GLUL: variants seen among roughly 807,000 people sequenced by gnomAD.
GLUL encodes glutamate-ammonia ligase.
In GLUL, 8 loss-of-function variants were observed where a neutral mutation model predicts 36.9. That is an observed-to-expected ratio of 0.22 (90% CI 0.13 to 0.39). GLUL has a LOEUF of 0.39. Among genes scored for constraint, GLUL ranks in the 10% least tolerant of loss-of-function variants. The pLI, the probability that GLUL is intolerant of heterozygous loss-of-function variation, is 1.00. For synonymous variants in GLUL, 182 were observed against 172.8 expected (o/e 1.05, Z -0.42); for missense variants, 315 against 501.8 (o/e 0.63, Z 3.56).
intron 1 of GLUL, chr1:182,391,007 T>A (rs946683210): frequency 3.9e-4 from 147 of 379,122 alleles, no homozygotes; most frequent in African/African-American, 3.0e-3. Context: ...GGTTGGGGGG[T>A]CCGGGGGAGG....
In GLUL at chr1:182,382,501, T is replaced by C. The variant is rs1271854259; in HGVS notation, c.*1904A>G. ...GTAGCTAATATTTGTTTCTTATCAC[T>C]GAGAGCAGAGAATAGAAATCGTAAA... On this transcript the variant is annotated 3_prime_UTR_variant, in exon 7 of 7. Transcript: ENST00000331872. 9.3e-6 allele frequency: 1 copy of C among 107,590 alleles called. No individual in the cohort carries two copies. The highest frequency in any genetic ancestry group is 2.0e-5 in the Non-Finnish European group (1 of 51,080). 6.7% of individuals were successfully genotyped at this position (107,590 alleles called of 1,614,324 possible).
rs1650069950 is a variant in GLUL, at chr1:182,384,314, T to TTGAGTTACA, written c.*82_*90dup. The TTGAGTTACA allele has an allele frequency of 1.1e-6, 1 of 897,222 alleles. No individual in the cohort carries two copies. The highest frequency in any genetic ancestry group is 2.0e-5 in the Admixed American group (1 of 51,090). The allele number at this position is 897,222 out of a possible 1,614,324, so 55.6% of individuals were successfully genotyped here. Reference sequence around the variant, plus strand: ...AAAAACGACCTTGATATTCCACCCTTTGAGTTACAATCGGGACAACTGGGA... The same window carrying TTGAGTTACA: ...AAAAACGACCTTGATATTCCACCCTTTGAGTTACATGAGTTACAATCGGGACAACTGGGA... On this transcript the variant is annotated 3_prime_UTR_variant, in exon 7 of 7. Coordinates refer to ENST00000331872, the MANE Select transcript of GLUL (RefSeq NM_001033044.4).
chr1:182,387,102 G>A (rs1287084797), intron 3 of GLUL, 29 bp downstream of exon 3: 3 of 1,565,630 alleles, frequency 1.9e-6, no homozygotes, highest in African/African-American at 1.4e-5. Context: ...AGATTGAGGA[G>A]GGGTATCCAT....
At chr1:182,390,021 A>G (rs1259617159) in intron 1 of GLUL, 1 of 152,408 alleles carries the variant, frequency 6.6e-6, no homozygotes, top group African/African-American at 2.4e-5. Flanking sequence ...ACAAAGTTCG[A>G]GACCAGCCTG....
In GLUL at chr1:182,384,194, GA is replaced by G. The variant is rs936681442; in HGVS notation, c.*210del. The G allele has an allele frequency of 2.3e-5, 13 of 566,918 alleles. No individual in the cohort carries two copies. The highest frequency in any genetic ancestry group is 3.8e-5 in the African/African-American group (2 of 53,004). The allele number at this position is 566,918 out of a possible 1,614,324, so 35.1% of individuals were successfully genotyped here. ...TGCACTAAAAAGCTTCAGTGATAGG[GA>G]AAAAAAGGAGGGTAGGTGTGAAGAA... On this transcript the variant is annotated 3_prime_UTR_variant, in exon 7 of 7. Transcript: ENST00000331872.
intron 1 of GLUL, chr1:182,390,904 C>A: frequency 2.5e-6 from 1 of 398,740 alleles, no homozygotes; most frequent in South Asian, 1.3e-4. Context: ...CAGCCCCTTC[C>A]CACTGAAATG....
At position 182,385,891 on chromosome 1, in the gene GLUL, C is replaced by G. The variant is rs1484096884; in HGVS notation, c.476-4G>C. 1.9e-6 allele frequency: 3 copies of G among 1,613,596 alleles called. No individual in the cohort carries two copies. Among genetic ancestry groups the G allele is most frequent in the Admixed American group, 3.3e-5 (2 of 60,024 alleles). On this transcript the variant is annotated splice_polypyrimidine_tract_variant and splice_region_variant and intron_variant, in intron 4 of 6. Transcript: ENST00000331872. ...CCCACACCACAGTAATATGGACCTA[C>G]AGAAGCATCAGGACAAAACACTAAG...
In GLUL at chr1:182,384,548, G is replaced by A. The variant is rs780489108; in HGVS notation, c.979C>T (p.Arg327Trp). ...CCCTTCTTCTCCTGGCCAACAGTCC[G>A]GGGAATGCGTATGCTGGCGCTACGA... Reference protein sequence around the residue: ...ANRSASIRIPRTVGQEKKGYF... With the variant: ...ANRSASIRIPWTVGQEKKGYF... The change falls in exon 7 of 7, where the codon CGG becomes TGG. Residue 327 changes from arginine to tryptophan, a missense_variant. Transcript: ENST00000331872. 16 of 1,614,044 alleles carry A rather than the reference G, an allele frequency of 9.9e-6. No homozygotes were observed. The highest frequency in any genetic ancestry group is 3.3e-5 in the South Asian group (3 of 91,088).
At chr1:182,391,191 C>G (rs2101939635) in intron 1 of GLUL, 2 of 398,552 alleles carry the variant, frequency 5.0e-6, no homozygotes, top group South Asian at 1.3e-4. Context: ...ACGCCGCAAT[C>G]GAGGCGTCTC....
At chr1:182,388,948 T>C in intron 1 of GLUL, 198 bp from the exon 2 acceptor site, 1 of 568,416 alleles carries the variant, frequency 1.8e-6, no homozygotes, top group Non-Finnish European at 3.2e-6. Flanking sequence ...AAATCTCCTT[T>C]ATAATAGGCT....
At chr1:182,391,567 G>A (rs1317488844) in intron 1 of GLUL, 112 bp downstream of exon 1, 3 of 227,304 alleles carry the variant, frequency 1.3e-5, no homozygotes, top group Non-Finnish European at 2.6e-5. Context: ...CGCAGCGTAG[G>A]GCTGGGACTG....
At position 182,385,523 on chromosome 1, in the gene GLUL, T is replaced by C. The variant is rs771930134; in HGVS notation, c.637A>G (p.Ser213Gly). The C allele has an allele frequency of 3.7e-6, 6 of 1,614,134 alleles. No homozygotes were observed. The Admixed American group carries it at 5.0e-5, about 13-fold the overall frequency. The change falls in exon 6 of 7, where the codon AGC (serine) becomes GGC (glycine). Residue 213 changes from serine to glycine, a missense_variant. By Grantham distance (56) the Ser-to-Gly change is moderately conservative. Coordinates refer to ENST00000331872, the MANE Select transcript of GLUL (RefSeq NM_001033044.4). ...EFQIGPCEGI[S>G]MGDHLWVARF... ...GCCACCCAGAGATGATCTCCCATGCTGATTCCTTCACAAGGTCCAATCTGA... is the reference window on the plus strand; with the variant it reads ...GCCACCCAGAGATGATCTCCCATGCCGATTCCTTCACAAGGTCCAATCTGA...
chr1:182,383,175 C>T lies in GLUL; in HGVS notation c.*1230G>A, dbSNP rs1268055070. On this transcript the variant is annotated 3_prime_UTR_variant, in exon 7 of 7. Coordinates refer to ENST00000331872, the MANE Select transcript of GLUL (RefSeq NM_001033044.4). ...TACAAAATTACAAGTGTTTTGACTC[C>T]AGCCCTGTCCCCATCTCCTCCAAGA... is the stretch of plus-strand genomic sequence containing the variant. 2.0e-5 allele frequency: 3 copies of T among 152,266 alleles called. No individual in the cohort carries two copies. Among genetic ancestry groups the T allele is most frequent in the South Asian group, 2.1e-4 (1 of 4,824 alleles). The allele number at this position is 152,266 out of a possible 1,614,324, so 9.4% of individuals were successfully genotyped here. A position where few individuals can be genotyped will look rare whatever the true frequency, so the allele number is the denominator to read the frequency against.
chr1:182,385,327 T>C (rs767281429), intron 6 of GLUL, 30 bp downstream of exon 6: 5 of 1,546,344 alleles, frequency 3.2e-6, no homozygotes, highest in Non-Finnish European at 3.6e-6. Flanking sequence ...CCACAGGAGA[T>C]TAAAGATGGC....
In GLUL at chr1:182,385,011, ATT is replaced by A. The variant is rs565963910; in HGVS notation, c.804-290_804-289del. On this transcript the variant is annotated intron_variant, in intron 6 of 6. Transcript: ENST00000331872. ...TTCTAAAAGATTTTCAAATGCATGA[ATT>A]TGTCAACTTTTCCCTGTCACCATGA... is the stretch of plus-strand genomic sequence containing the variant. 30 of 401,196 alleles carry A rather than the reference ATT, an allele frequency of 7.5e-5. No individual in the cohort carries two copies. In the East Asian group the frequency reaches 9.3e-4, roughly 13 times the overall value. 24.9% of individuals were successfully genotyped at this position (401,196 alleles called of 1,614,324 possible).
At position 182,384,205 on chromosome 1, in the gene GLUL, G is replaced by A; in HGVS notation, c.*200C>T. 1.7e-6 allele frequency: 1 copy of A among 595,180 alleles called. No individual in the cohort carries two copies. The highest frequency in any genetic ancestry group is 3.0e-6 in the Non-Finnish European group (1 of 332,868). 36.9% of individuals were successfully genotyped at this position (595,180 alleles called of 1,614,324 possible). ...GCTTCAGTGATAGGGAAAAAAAGGA[G>A]GGTAGGTGTGAAGAAATTAATAACT... is the stretch of plus-strand genomic sequence containing the variant. On this transcript the variant is annotated 3_prime_UTR_variant, in exon 7 of 7. Transcript: ENST00000331872.
chr1:182,390,868 G>A (rs1319623737), intron 1 of GLUL: 4 of 399,010 alleles, frequency 1.0e-5, no homozygotes, highest in East Asian at 7.1e-5. Flanking sequence ...CGCCCCCGAG[G>A]GAGTTATAAT....
At position 182,384,679 on chromosome 1, in the gene GLUL, T is replaced by C; in HGVS notation, c.848A>G (p.Tyr283Cys). ...AIEKLSKRHQ[Y>C]HIRAYDPKGG... ...CTTGGGATCATAGGCACGGATGTGG[T>C]ACTGGTGCCGCTTGCTTAGTTTCTC... is the stretch of plus-strand genomic sequence containing the variant. Residue 283 changes from tyrosine (Y) to cysteine (C), a missense_variant, in exon 7 of 7, where the codon TAC (tyrosine) becomes TGC (cysteine). Tyr to Cys is a radical substitution (Grantham distance 194). This residue lies in a region of GLUL where 256 missense variants were observed against 396.1 expected (regional missense o/e 0.65). Transcript: ENST00000331872. 1 of 1,614,102 alleles carries C rather than the reference T, an allele frequency of 6.2e-7. No homozygotes were observed. The highest frequency in any genetic ancestry group is 8.5e-7 in the Non-Finnish European group (1 of 1,179,946).
At chr1:182,390,312 A>C (rs1407899150) in intron 1 of GLUL, 1 of 395,286 alleles carries the variant, frequency 2.5e-6, no homozygotes, top group Admixed American at 4.4e-5. Flanking sequence ...CTTTGTCCTA[A>C]GCCTCAGTTT....
Sources: gnomAD v4.1 joint callset for allele counts on GRCh38, gnomAD v4.1.1 for gene constraint, gnomAD v4.1.1 regional missense constraint, MANE v1.5 for transcripts, NCBI Gene and HGNC (gene_info 2026-07-23, HGNC 2026-07-21) for gene names.